TFDP1: variants seen among roughly 807,000 people sequenced by gnomAD.
The protein encoded by TFDP1 is transcription factor Dp-1.
Under a neutral mutation model 48.0 loss-of-function variants are expected in TFDP1, and 6 were observed. That is an observed-to-expected ratio of 0.13 (90% CI 0.07 to 0.25). TFDP1 has a LOEUF of 0.25. Among genes scored for constraint, TFDP1 ranks in the 10% least tolerant of loss-of-function variants. TFDP1 has a pLI of 1.00. For missense variants in TFDP1, 335 were observed against 543.0 expected (o/e 0.62, Z 3.81); for synonymous variants, 201 against 211.6 (o/e 0.95, Z 0.44).
chr13:113,609,423 G>A (rs1262626254), intron 2 of TFDP1, among the ~76,000 whole-genome samples: 4 of 152,166 alleles, frequency 2.6e-5, no homozygotes, highest in African/African-American at 2.4e-5. Context: ...CGGTTGGAAC[G>A]GCAGTAGTGA....
chr13:113,589,986 A>T (rs552402752), intron 2 of TFDP1, among the ~76,000 whole-genome samples: 46 of 152,354 alleles, frequency 3.0e-4, no homozygotes, highest in African/African-American at 1.1e-3. Context: ...CAGATGATGA[A>T]TTCATCAAAC....
intron 2 of TFDP1, among the ~76,000 whole-genome samples, chr13:113,604,556 G>A (rs1022840658): frequency 6.6e-6 from 1 of 152,204 alleles, no homozygotes; most frequent in African/African-American, 2.4e-5. Flanking sequence ...GGAGAGTGGG[G>A]ACTTGTGCCG....
intron 3 of TFDP1, among the ~76,000 whole-genome samples, chr13:113,614,602 GCTCCTCATGGGCCCCTGGCCCTGGTCCT>G (rs1330102556): frequency 6.6e-6 from 1 of 152,218 alleles, no homozygotes; most frequent in African/African-American, 2.4e-5. Context: ...CCCAGCCGAG[GCTCCTCATGGGCCCCTGGCCCTGGTCCT>G]GGTCCTCCCA....
At chr13:113,604,482 G>T (rs977437276) in intron 2 of TFDP1, among the ~76,000 whole-genome samples, 2 of 152,236 alleles carry the variant, frequency 1.3e-5, no homozygotes, top group Admixed American at 6.5e-5. Context: ...CTTGGATCCT[G>T]TGTGGCTGAA....
chr13:113,638,994 C>T (rs375108303), intron 11 of TFDP1, among the ~76,000 whole-genome samples: 4 of 152,270 alleles, frequency 2.6e-5, no homozygotes, highest in African/African-American at 9.6e-5. Flanking sequence ...ACAGGTGTGT[C>T]GGGCACGTGT....
At chr13:113,639,861 G>A (rs569907823) in intron 11 of TFDP1, among the ~76,000 whole-genome samples, 43 of 152,362 alleles carry the variant, frequency 2.8e-4, no homozygotes, top group African/African-American at 7.5e-4. Context: ...GAGAGGCAGC[G>A]TGTGGCTCTG....
At position 113,625,514 on chromosome 13, in the gene TFDP1, C is replaced by T. The variant is rs1163884688; in HGVS notation, c.186+2228C>T. Among the ~76,000 whole-genome samples, 3 of 108,820 alleles carry T rather than the reference C, an allele frequency of 2.8e-5. 1 individual carries two copies. Among genetic ancestry groups the T allele is most frequent in the Non-Finnish European group, 5.2e-5 (3 of 57,292 alleles). 71.4% of individuals were successfully genotyped at this position (108,820 alleles called of 152,430 possible). On this transcript the variant is annotated intron_variant, in intron 4 of 11. Coordinates refer to ENST00000375370, the MANE Select transcript of TFDP1 (RefSeq NM_007111.5). Reference sequence around the variant, plus strand: ...CTCACGTGTTCTCAGGTGTCTCTCACGTGTCCTCAGGTGTTTCTCAGGTGT... The same window carrying T: ...CTCACGTGTTCTCAGGTGTCTCTCATGTGTCCTCAGGTGTTTCTCAGGTGT...
rs57151651 is a variant in TFDP1 at position 113,613,740 on chromosome 13, CTGTG to C, written c.79+2682_79+2685del. 5.5e-4 allele frequency among the ~76,000 whole-genome samples: 81 copies of C among 146,512 alleles called. 1 individual carries two copies. The highest frequency in any genetic ancestry group is 1.3e-3 in the East Asian group (6 of 4,794). On this transcript the variant is annotated intron_variant, in intron 3 of 11. Transcript: ENST00000375370. Reference sequence around the variant, plus strand: ...GTGAGGAGTGTGTGCATGAGTGTGTCTGTGTGTATGCGTGAATGCGTGGGTGTGT... The same window carrying C: ...GTGAGGAGTGTGTGCATGAGTGTGTCTGTATGCGTGAATGCGTGGGTGTGT...
At chr13:113,616,911 T>C (rs1169282215) in intron 3 of TFDP1, among the ~76,000 whole-genome samples, 1 of 152,226 alleles carries the variant, frequency 6.6e-6, no homozygotes, top group East Asian at 1.9e-4. Context: ...TTCTCTGTTT[T>C]TAACCCGAAG....
Position 113,633,761 on chromosome 13 carries a change from C to T in TFDP1, c.475-129C>T, listed in dbSNP as rs2049400027. On this transcript the variant is annotated intron_variant, in intron 6 of 11. Transcript: ENST00000375370. The surrounding 1 kb of genome is among the most constrained non-coding windows in gnomAD (Gnocchi z 4.5). Reference sequence around the variant, plus strand: ...CGTCATCTGTGGGGTGGGAGCGCTCCCTGAGGGCATGTTGGGGTGGCGGCT... The same window carrying T: ...CGTCATCTGTGGGGTGGGAGCGCTCTCTGAGGGCATGTTGGGGTGGCGGCT... 1.8e-6 allele frequency: 2 copies of T among 1,139,138 alleles called. No individual in the cohort carries two copies. The highest frequency in any genetic ancestry group is 2.5e-6 in the Non-Finnish European group (2 of 798,248). 70.6% of individuals were successfully genotyped at this position (1,139,138 alleles called of 1,614,324 possible).
intron 2 of TFDP1, among the ~76,000 whole-genome samples, chr13:113,590,394 G>C (rs1785471599): frequency 1.3e-5 from 2 of 152,184 alleles, no homozygotes; most frequent in African/African-American, 2.4e-5. Flanking sequence ...CTACCACCAG[G>C]TGTCCTTTTA....
At position 113,633,219 on chromosome 13, in the gene TFDP1, C is replaced by T. The variant is rs750414853; in HGVS notation, c.408C>T (p.Asn136=). 46 of 1,614,084 alleles carry T rather than the reference C, an allele frequency of 2.8e-5. No homozygotes were observed. Among genetic ancestry groups the T allele is most frequent in the Non-Finnish European group, 3.6e-5 (43 of 1,180,016 alleles). Residue 136 remains asparagine (N), a synonymous_variant, in exon 6 of 12, where the codon AAC becomes AAT. Transcript: ENST00000375370. This position sits in a 1 kb window ranked among gnomAD's most constrained non-coding sequence, Gnocchi z 4.5. ...KVQRKGTTSY[N]EVADELVAEF... ...AGAGGAAAGGGACCACTTCCTACAA[C>T]GAAGTGGCAGACGAGCTGGTTGCGG...
At position 113,637,971 on chromosome 13, in the gene TFDP1, C is replaced by T. The variant is rs4150815; in HGVS notation, c.1085+75C>T. 4,742 of 1,564,874 alleles carry T rather than the reference C, an allele frequency of 3.0e-3. 111 individuals are homozygous for T. The African/African-American group carries it at 0.055, about 18-fold the overall frequency. On this transcript the variant is annotated intron_variant, in intron 11 of 11. Transcript: ENST00000375370. ...GGTCCAGGGGCCAAGGCAGGGCAGC[C>T]GTCTCAGGTGTGGCCATCAGGTCTG...
chr13:113,636,515 C>T lies in TFDP1; in HGVS notation c.840-19C>T. On this transcript the variant is annotated intron_variant, in intron 9 of 11. Coordinates refer to ENST00000375370, the MANE Select transcript of TFDP1 (RefSeq NM_007111.5). ...CCGCTGGGAGACCCTGTCTTTCTGA[C>T]TGTGCCTTTCCCCTTCAGATTTGAG... The T allele has an allele frequency of 6.2e-7, 1 of 1,611,898 alleles. No individual in the cohort carries two copies. The highest frequency in any genetic ancestry group is 8.5e-7 in the Non-Finnish European group (1 of 1,179,396).
chr13:113,625,674 C>A (rs368779951), intron 4 of TFDP1, among the ~76,000 whole-genome samples: 1 of 42,724 alleles, frequency 2.3e-5, no homozygotes, highest in Non-Finnish European at 4.2e-5. Flanking sequence ...TGTCCTCAGG[C>A]GTCTCTCACG....
At position 113,607,345 on chromosome 13, in the gene TFDP1, C is replaced by G; in HGVS notation, c.13-3651C>G. Among the ~76,000 whole-genome samples the G allele has an allele frequency of 6.6e-6, 1 of 152,238 alleles. No homozygotes were observed. Among genetic ancestry groups the G allele is most frequent in the East Asian group, 1.9e-4 (1 of 5,198 alleles). On this transcript the variant is annotated intron_variant, in intron 2 of 11. Transcript: ENST00000375370. The surrounding 1 kb of genome is among the most constrained non-coding windows in gnomAD (Gnocchi z 5.2). ...ACACCTGGGCATGTGGCTGGTGGAA[C>G]CAGCAGGCCAAGGCTGTGGATTTTG...
At position 113,637,931 on chromosome 13, in the gene TFDP1, C is replaced by G. The variant is rs1197014442; in HGVS notation, c.1085+35C>G. 6 of 1,605,532 alleles carry G rather than the reference C, an allele frequency of 3.7e-6. No individual in the cohort carries two copies. In the African/African-American group the frequency reaches 8.0e-5, roughly 22 times the overall value. ...GTTGAGGGTGTGGGAGAGGCGTCAT[C>G]TGGGCCTCCCCCGGGGTCCAGGGGC... On this transcript the variant is annotated intron_variant, in intron 11 of 11. Coordinates refer to ENST00000375370, the MANE Select transcript of TFDP1 (RefSeq NM_007111.5).
chr13:113,597,814 A>T (rs1051874603), intron 2 of TFDP1, among the ~76,000 whole-genome samples: 7 of 152,188 alleles, frequency 4.6e-5, no homozygotes, highest in Non-Finnish European at 8.8e-5. Context: ...TGAGCTCAGG[A>T]GCCAGCATCC....
intron 3 of TFDP1, among the ~76,000 whole-genome samples, chr13:113,620,044 C>T (rs1487707217): frequency 4.6e-5 from 7 of 152,212 alleles, no homozygotes; most frequent in Admixed American, 4.6e-4. Context: ...TCTCCCCCTT[C>T]CTAATTGTGA....
Sources: allele counts gnomAD v4.1 joint callset (sites outside exome capture counted in the v4.1 genomes callset), GRCh38; gene constraint gnomAD v4.1.1; non-coding constraint Gnocchi (gnomAD v3.1); transcripts MANE v1.5; gene names NCBI Gene and HGNC (gene_info 2026-07-23, HGNC 2026-07-21).